Variants in ADGB observed in about 807,000 individuals in gnomAD.
The protein encoded by ADGB is calpain-7-like protein.
Under a neutral mutation model 210.5 loss-of-function variants are expected in ADGB, and 172 were observed. That is an observed-to-expected ratio of 0.82 (90% CI 0.72 to 0.93). The LOEUF is 0.93. Among genes scored for constraint, ADGB ranks in the 40% least tolerant of loss-of-function variants. The pLI is 0.00. For synonymous variants in ADGB, 658 were observed against 662.7 expected (o/e 0.99, Z 0.11); for missense variants, 2,025 against 1,964.8 (o/e 1.03, Z -0.58).
chr6:146,710,040 T>C (rs1044947792), intron 13 of ADGB, among the ~76,000 whole-genome samples: 5 of 151,810 alleles, frequency 3.3e-5, no homozygotes, highest in Non-Finnish European at 5.9e-5. Context: ...AATTTTTTTA[T>C]TTTTAATGTG....
At chr6:146,669,683 A>G (rs1775980531) in intron 7 of ADGB, among the ~76,000 whole-genome samples, 1 of 152,104 alleles carries the variant, frequency 6.6e-6, no homozygotes, top group Admixed American at 6.6e-5. Context: ...CAACCACAGT[A>G]CAGCTACTAA....
At chr6:146,710,132 CAT>C (rs1318330007) in intron 13 of ADGB, among the ~76,000 whole-genome samples, 3 of 150,250 alleles carry the variant, frequency 2.0e-5, no homozygotes, top group African/African-American at 4.9e-5. Context: ...AATCATATTA[CAT>C]ATATATATAA....
chr6:146,801,377 G>T, intron 34 of ADGB, 98 bp downstream of exon 34: 1 of 751,102 alleles, frequency 1.3e-6, no homozygotes. Context: ...TTAATTTGAG[G>T]CCTGATTAAG....
At chr6:146,734,076 A>T in intron 22 of ADGB, 46 bp downstream of exon 22, 1 of 1,524,048 alleles carries the variant, frequency 6.6e-7, no homozygotes, top group Non-Finnish European at 8.8e-7. Context: ...TTGTATAAGA[A>T]TAAATATTTA....
At chr6:146,808,952 G>A (rs1276772776) in intron 35 of ADGB, among the ~76,000 whole-genome samples, 3 of 151,968 alleles carry the variant, frequency 2.0e-5, no homozygotes, top group Admixed American at 6.6e-5. Flanking sequence ...CATTGCGATC[G>A]TGGAGGCCGC....
At chr6:146,740,722 C>T in intron 24 of ADGB, 129 bp downstream of exon 24, 1 of 848,654 alleles carries the variant, frequency 1.2e-6, no homozygotes, top group Non-Finnish European at 1.7e-6. Flanking sequence ...AATTCTTCCA[C>T]ACTTGGCATT....
At chr6:146,618,357 T>C (rs1780834871) in intron 1 of ADGB, among the ~76,000 whole-genome samples, 1 of 151,952 alleles carries the variant, frequency 6.6e-6, no homozygotes, top group Non-Finnish European at 1.5e-5. Flanking sequence ...TTGTATATTT[T>C]TATTCGTCAG....
At chr6:146,692,951 G>C in intron 12 of ADGB, 36 bp downstream of exon 12, 2 of 1,185,022 alleles carry the variant, frequency 1.7e-6, no homozygotes, top group East Asian at 5.1e-5. Context: ...AATGTGTCTT[G>C]TTAGTAAATA....
chr6:146,687,840 G>T (rs569593391), intron 10 of ADGB, among the ~76,000 whole-genome samples: 25 of 152,176 alleles, frequency 1.6e-4, no homozygotes, highest in African/African-American at 6.0e-4. Flanking sequence ...TGTCTGAGAA[G>T]TATTCAAACC....
At chr6:146,646,947 G>T (rs1317666704) in intron 3 of ADGB, among the ~76,000 whole-genome samples, 1 of 151,750 alleles carries the variant, frequency 6.6e-6, no homozygotes, top group Non-Finnish European at 1.5e-5. Flanking sequence ...AAATTATTCA[G>T]GCATGGTAAT....
intron 29 of ADGB, among the ~76,000 whole-genome samples, chr6:146,781,049 C>T (rs972743843): frequency 3.4e-4 from 51 of 151,660 alleles, no homozygotes; most frequent in East Asian, 9.7e-4. Flanking sequence ...AATTGGAGGC[C>T]GGGCGCGGTA....
chr6:146,622,053 T>A (rs1583562721), intron 1 of ADGB, among the ~76,000 whole-genome samples: 1 of 152,178 alleles, frequency 6.6e-6, no homozygotes, highest in East Asian at 1.9e-4. Context: ...ACACTTGACA[T>A]GGTTTATCTT....
chr6:146,784,833 C>T, intron 31 of ADGB, 39 bp downstream of exon 31: 1 of 1,525,658 alleles, frequency 6.6e-7, no homozygotes, highest in Non-Finnish European at 8.8e-7. Flanking sequence ...TTTACTTTTC[C>T]TCCTTAGGCA....
chr6:146,619,197 C>G (rs920617654), intron 1 of ADGB, among the ~76,000 whole-genome samples: 1 of 151,040 alleles, frequency 6.6e-6, no homozygotes, highest in Non-Finnish European at 1.5e-5. Flanking sequence ...TATTTCTGCT[C>G]TTTTTTGGTT....
At position 146,646,141 on chromosome 6, in the gene ADGB, G is replaced by C. The variant is rs563751499; in HGVS notation, c.330+1276G>C. Among the ~76,000 whole-genome samples, 31 of 152,232 alleles carry C rather than the reference G, an allele frequency of 2.0e-4. 1 individual carries two copies. In the South Asian group the frequency reaches 6.2e-3, roughly 31 times the overall value. On this transcript the variant is annotated intron_variant, in intron 3 of 35. Coordinates refer to ENST00000397944, the MANE Select transcript of ADGB (RefSeq NM_024694.4). ...TCCCTGAGGTTCCCTTGGTCAAGGA[G>C]GTGGGTCTGCCCAGTAATTTGGGGT...
chr6:146,766,541 A>C (rs1041962616), intron 28 of ADGB, among the ~76,000 whole-genome samples: 1 of 152,012 alleles, frequency 6.6e-6, no homozygotes, highest in African/African-American at 2.4e-5. Flanking sequence ...GAGAAATCGC[A>C]GAGTTGATTC....
At chr6:146,683,624 A>G (rs1236275083) in intron 9 of ADGB, among the ~76,000 whole-genome samples, 1 of 152,044 alleles carries the variant, frequency 6.6e-6, no homozygotes, top group Non-Finnish European at 1.5e-5. Flanking sequence ...CATCAACATC[A>G]TTTCTATAAT....
At chr6:146,649,041 G>A (rs981810045) in intron 3 of ADGB, among the ~76,000 whole-genome samples, 7 of 151,398 alleles carry the variant, frequency 4.6e-5, no homozygotes, top group African/African-American at 1.7e-4. Context: ...TACACAAAAA[G>A]TCTTCCTACA....
intron 35 of ADGB, chr6:146,807,749 A>G (rs1325220320): frequency 1.9e-5 from 11 of 581,652 alleles, no homozygotes; most frequent in Non-Finnish European, 3.1e-5. Flanking sequence ...GAAAGCTAGT[A>G]TTTGAAGCCA....
Sources: gnomAD v4.1 joint callset for allele counts (sites outside exome capture counted in the v4.1 genomes callset) on GRCh38, gnomAD v4.1.1 for gene constraint, MANE v1.5 for transcripts, NCBI Gene and HGNC (gene_info 2026-07-23, HGNC 2026-07-21) for gene names.